ACSL5: variants seen among roughly 807,000 people sequenced by gnomAD.
ACSL5 encodes long-chain-fatty-acid--CoA ligase 5.
A neutral mutation model predicts 84.9 loss-of-function variants in ACSL5; 50 were observed. The observed-to-expected ratio is 0.59, with a 90% CI of 0.47 to 0.75. The LOEUF (loss-of-function observed/expected upper bound fraction) is 0.75. Ranked by LOEUF, ACSL5 falls within the 30% of genes least tolerant of loss-of-function variation. The pLI is 0.00. For missense variants in ACSL5, 775 were observed against 830.4 expected, an observed-to-expected ratio of 0.93 and a Z score of 0.82; for synonymous variants, 280 against 300.7, an observed-to-expected ratio of 0.93 and a Z score of 0.71.
At chr10:112,421,193 C>T (rs564467388) in intron 14 of ACSL5, among the ~76,000 whole-genome samples, 1 of 150,588 alleles carries the variant, frequency 6.6e-6, no homozygotes, top group Non-Finnish European at 1.5e-5. Flanking sequence ...GAGTCTCGCT[C>T]TGTCACCCAG....
intron 1 of ACSL5, among the ~76,000 whole-genome samples, chr10:112,379,297 C>A (rs1456520977): frequency 1.3e-5 from 2 of 151,516 alleles, no homozygotes; most frequent in Non-Finnish European, 2.9e-5. Context: ...CCCAGCTACT[C>A]GGGAGGCTGA....
intron 1 of ACSL5, chr10:112,376,186 GA>G (rs933330626): frequency 7.2e-4 from 922 of 1,282,550 alleles, no homozygotes; most frequent in Middle Eastern, 1.1e-3. Flanking sequence ...TTTCAGTTGT[GA>G]AAAAAAAAAT....
chr10:112,404,763 C>T lies in ACSL5; in HGVS notation c.389C>T (p.Ser130Leu), dbSNP rs1564737454. Reference protein sequence around the residue: ...SCLLHKGYKSSPDQFVGIFAQ... With the variant: ...SCLLHKGYKSLPDQFVGIFAQ... ...CTCTTGCATAAAGGTTATAAATCAT[C>T]ACCAGACCAGTTTGTCGGCATCTTT... The change falls in exon 5 of 21, where the codon TCA becomes TTA. Residue 130 changes from serine to leucine, a missense_variant. Ser to Leu is a moderately radical substitution (Grantham distance 145). Transcript: ENST00000354655. The T allele has an allele frequency of 6.2e-7, 1 of 1,614,018 alleles. No homozygotes were observed. Among genetic ancestry groups the T allele is most frequent in the Non-Finnish European group, 8.5e-7 (1 of 1,179,950 alleles).
intron 5 of ACSL5, among the ~76,000 whole-genome samples, chr10:112,408,020 T>C (rs1381183125): frequency 2.0e-5 from 3 of 152,046 alleles, no homozygotes; most frequent in African/African-American, 7.2e-5. Context: ...TTTTTTTTTT[T>C]ACATAAAAGT....
intron 5 of ACSL5, among the ~76,000 whole-genome samples, chr10:112,407,136 A>G (rs1844058413): frequency 6.6e-6 from 1 of 152,222 alleles, no homozygotes; most frequent in South Asian, 2.1e-4. Flanking sequence ...ACCAGCACCC[A>G]TGATTGAATT....
chr10:112,381,221 C>T (rs988727137), intron 1 of ACSL5, among the ~76,000 whole-genome samples: 3 of 152,208 alleles, frequency 2.0e-5, no homozygotes, highest in Admixed American at 6.5e-5. Flanking sequence ...CATGAGCTCA[C>T]TGCACACACT....
chr10:112,410,412 G>A (rs1278125832), intron 7 of ACSL5, 51 bp from the exon 8 acceptor site: 1 of 1,612,006 alleles, frequency 6.2e-7, no homozygotes, highest in African/African-American at 1.3e-5. Context: ...ATTTATCACA[G>A]TCTGTCCATC....
At chr10:112,380,499 C>T (rs1825148456) in intron 1 of ACSL5, among the ~76,000 whole-genome samples, 1 of 151,712 alleles carries the variant, frequency 6.6e-6, no homozygotes, top group South Asian at 2.1e-4. Context: ...GACCCTCCAC[C>T]TCCAGCAGAA....
chr10:112,410,490 C>A lies in ACSL5; in HGVS notation c.739C>A (p.Pro247Thr). The A allele has an allele frequency of 6.2e-7, 1 of 1,614,176 alleles. No homozygotes were observed. Residue 247 changes from proline (P) to threonine (T), a missense_variant, in exon 8 of 21, where the codon CCT becomes ACT. Pro to Thr is a conservative substitution (Grantham distance 38). Transcript: ENST00000354655. ...ENLGKEHFRK[P>T]VPPSPEDLSV... ...CCTAGGCAAAGAGCACTTCAGAAAA[C>A]CTGTGGTAAGTTTTCTTCTGCCTGA...
intron 14 of ACSL5, among the ~76,000 whole-genome samples, chr10:112,421,250 C>A (rs1844456454): frequency 6.6e-6 from 1 of 152,162 alleles, no homozygotes; most frequent in Non-Finnish European, 1.5e-5. Context: ...CCTCTGCCTC[C>A]CAGGTTCAAG....
rs1211746597 is a variant in ACSL5 at position 112,409,822 on chromosome 10, A to G, written c.711+137A>G. 3.5e-6 allele frequency: 3 copies of G among 850,846 alleles called. No individual in the cohort carries two copies. The East Asian group carries it at 7.5e-5, about 21-fold the overall frequency. 52.7% of individuals were successfully genotyped at this position (850,846 alleles called of 1,614,324 possible). Reference sequence around the variant, plus strand: ...AGGAGTAGATTAGACTCATGCTGTGAAGCTCTGAGAATAATTTCCACAAGA... The same window carrying G: ...AGGAGTAGATTAGACTCATGCTGTGGAGCTCTGAGAATAATTTCCACAAGA... On this transcript the variant is annotated intron_variant, in intron 7 of 20. Coordinates refer to ENST00000354655, the MANE Select transcript of ACSL5 (RefSeq NM_203379.2).
chr10:112,402,122 C>T (rs994275737), intron 3 of ACSL5, among the ~76,000 whole-genome samples: 1 of 151,930 alleles, frequency 6.6e-6, no homozygotes, highest in African/African-American at 2.4e-5. Flanking sequence ...CATGCCACCA[C>T]CCATAGCTAA....
chr10:112,427,227 A>G lies in ACSL5; in HGVS notation c.1921A>G (p.Ile641Val). ...GLKTFEQVKA[I>V]FLHPEPFSIE... ...TGTGTTCATCTTCCAGGTCAAAGCC[A>G]TTTTTCTTCATCCAGAGCCATTTTC... The change falls in exon 21 of 21, where the codon ATT becomes GTT. Residue 641 changes from isoleucine (I) to valine (V), a missense_variant. Physicochemically the swap from Ile to Val is conservative, Grantham distance 29. Coordinates refer to ENST00000354655, the MANE Select transcript of ACSL5 (RefSeq NM_203379.2). 1 of 1,611,950 alleles carries G rather than the reference A, an allele frequency of 6.2e-7. No homozygotes were observed. Among genetic ancestry groups the G allele is most frequent in the Non-Finnish European group, 8.5e-7 (1 of 1,179,238 alleles).
At chr10:112,411,754 C>T in intron 10 of ACSL5, 148 bp from the exon 11 acceptor site, 2 of 615,632 alleles carry the variant, frequency 3.2e-6, no homozygotes, top group Non-Finnish European at 5.0e-6. Flanking sequence ...ACACTATATG[C>T]AGTTCAAGGC....
chr10:112,395,107 T>A lies in ACSL5; in HGVS notation c.156+5T>A. Reference sequence around the variant, plus strand: ...AATCAGTCTGTGGGAATTGAGGTAATTTACCAGTCATCCTTTTAGTTTGTC... The same window carrying A: ...AATCAGTCTGTGGGAATTGAGGTAAATTACCAGTCATCCTTTTAGTTTGTC... On this transcript the variant is annotated splice_donor_5th_base_variant and intron_variant, in intron 2 of 20. Transcript: ENST00000354655. 1 of 1,610,140 alleles carries A rather than the reference T, an allele frequency of 6.2e-7. No individual in the cohort carries two copies. Among genetic ancestry groups the A allele is most frequent in the South Asian group, 1.1e-5 (1 of 90,898 alleles).
Position 112,421,928 on chromosome 10 carries a change from T to G in ACSL5, c.1388-19T>G. 6.2e-7 allele frequency: 1 copy of G among 1,612,414 alleles called. No homozygotes were observed. The highest frequency in any genetic ancestry group is 8.5e-7 in the Non-Finnish European group (1 of 1,178,416). Reference sequence around the variant, plus strand: ...ACCATGCAAGAGTTTCTCAGCTAATTCAGCACGGTATGTTCTAGGTCACGT... The same window carrying G: ...ACCATGCAAGAGTTTCTCAGCTAATGCAGCACGGTATGTTCTAGGTCACGT... On this transcript the variant is annotated intron_variant, in intron 15 of 20. Coordinates refer to ENST00000354655, the MANE Select transcript of ACSL5 (RefSeq NM_203379.2).
rs371742335 is a variant in ACSL5, at chr10:112,416,871, G to A, written c.1084-17G>A. On this transcript the variant is annotated splice_polypyrimidine_tract_variant and intron_variant, in intron 12 of 20. Transcript: ENST00000354655. ...TCTCCAATAGGTTTCCAACTAAAAG[G>A]AGCTATCACTCTGCAGGTACAAAAT... 362 of 1,612,600 alleles carry A rather than the reference G, an allele frequency of 2.2e-4. No individual in the cohort carries two copies. Among genetic ancestry groups the A allele is most frequent in the Non-Finnish European group, 2.9e-4 (347 of 1,178,932 alleles).
At chr10:112,392,932 TA>T (rs1214795574) in intron 1 of ACSL5, among the ~76,000 whole-genome samples, 1 of 151,862 alleles carries the variant, frequency 6.6e-6, no homozygotes, top group Non-Finnish European at 1.5e-5. Context: ...TATATATATA[TA>T]TCCAGTCTTG....
intron 5 of ACSL5, among the ~76,000 whole-genome samples, chr10:112,407,834 C>G (rs1844080728): frequency 6.6e-6 from 1 of 152,212 alleles, no homozygotes; most frequent in African/African-American, 2.4e-5. Context: ...AAAGTGATCT[C>G]TGACACCCTA....
Sources: allele counts gnomAD v4.1 joint callset (sites outside exome capture counted in the v4.1 genomes callset), GRCh38; gene constraint gnomAD v4.1.1; transcripts MANE v1.5; gene names NCBI Gene and HGNC (gene_info 2026-07-23, HGNC 2026-07-21).